Variants in PDZD4 observed in about 807,000 individuals in gnomAD.
The protein encoded by PDZD4 is PDZ domain-containing protein 4.
In PDZD4, 9 loss-of-function variants were observed where a neutral mutation model predicts 38.5. The observed-to-expected ratio is 0.23, with a 90% CI of 0.14 to 0.41. The LOEUF (loss-of-function observed/expected upper bound fraction) is 0.41. PDZD4 is among the 10% of genes least tolerant of loss of function. The pLI, the probability that PDZD4 is intolerant of heterozygous loss-of-function variation, is 1.00. For synonymous variants in PDZD4, 349 were observed against 315.7 expected, an observed-to-expected ratio of 1.11 and a Z score of -1.12; for missense variants, 612 against 722.0, an observed-to-expected ratio of 0.85 and a Z score of 1.75.
In PDZD4 at chrX:153,803,035, C is replaced by A. The variant is rs191831224; in HGVS notation, c.*318G>T. ...AGCACTGGGTGTGTGTGTGCGTGCA[C>A]GTGCAAGCACACGCAAGAGCATGGG... is the stretch of plus-strand genomic sequence containing the variant. On this transcript the variant is annotated 3_prime_UTR_variant, in exon 8 of 8. Transcript: ENST00000393758. The A allele has an allele frequency of 9.3e-4, 184 of 197,233 alleles. 2 individuals are homozygous for A. Among genetic ancestry groups the A allele is most frequent in the South Asian group, 3.2e-3 (11 of 3,487 alleles). The allele number at this position is 197,233 out of a possible 1,213,427, so 16.3% of individuals were successfully genotyped here. A position where few individuals can be genotyped will look rare whatever the true frequency, so the allele number is the denominator to read the frequency against.
intron 1 of PDZD4, among the ~76,000 whole-genome samples, chrX:153,826,384 TCG>T: frequency 9.0e-6 from 1 of 110,783 alleles, no homozygotes; most frequent in Non-Finnish European, 1.9e-5. Flanking sequence ...TTTAGTAAGG[TCG>T]CAAGATATAG....
chrX:153,817,464 C>T (rs1307095231), intron 1 of PDZD4, among the ~76,000 whole-genome samples: 1 of 111,428 alleles, frequency 9.0e-6, no homozygotes, highest in African/African-American at 3.3e-5. Flanking sequence ...CCGGCACACA[C>T]GACTGCATGA....
rs781798510 is a variant in PDZD4, at chrX:153,804,126, T to C, written c.1555A>G (p.Thr519Ala). Residue 519 changes from threonine to alanine, a missense_variant, in exon 8 of 8, where the codon ACC becomes GCC. Thr to Ala is a moderately conservative substitution (Grantham distance 58, BLOSUM62 0). This residue lies in a region of PDZD4 where 300 missense variants were observed against 284.6 expected (regional missense o/e 1.05). Transcript: ENST00000393758. ...NRTPPGPAVA[T>A]PAKAAPPPGS... is the part of the protein sequence containing the mutation. ...GGTGGAGGAGCTGCCTTGGCGGGGG[T>C]GGCAACAGCGGGGCCGGGAGGGGTC... The C allele has an allele frequency of 1.1e-5, 13 of 1,146,463 alleles. No individual in the cohort carries two copies. The highest frequency in any genetic ancestry group is 1.5e-5 in the Non-Finnish European group (13 of 866,303). The allele number at this position is 1,146,463 out of a possible 1,213,427, so 94.5% of individuals were successfully genotyped here.
At chrX:153,815,132 T>TAC (rs1459800419) in intron 1 of PDZD4, among the ~76,000 whole-genome samples, 1 of 112,968 alleles carries the variant, frequency 8.9e-6, no homozygotes, top group East Asian at 2.8e-4. Context: ...CACACAGATC[T>TAC]ACTTCCTTCC....
intron 1 of PDZD4, among the ~76,000 whole-genome samples, chrX:153,822,530 C>T (rs1360746209): frequency 2.7e-5 from 3 of 112,078 alleles, no homozygotes; most frequent in Non-Finnish European, 5.6e-5. Flanking sequence ...CTTGTCCAGC[C>T]CCAGGCTGCT....
At position 153,804,447 on chromosome X, in the gene PDZD4, G is replaced by C. The variant is rs143765069; in HGVS notation, c.1234C>G (p.Leu412Val). ...GHEMAMLEEE[L>V]RHLEFKCRNI... ...CGGCACTTGAATTCCAGGTGCCTTA[G>C]CTCCTCCTCCAGCATGGCCATCTCG... Residue 412 changes from leucine to valine, a missense_variant, in exon 8 of 8, where the codon CTA becomes GTA. By Grantham distance (32) the Leu-to-Val change is conservative (BLOSUM62 1). Transcript: ENST00000393758. 2.5e-6 allele frequency: 3 copies of C among 1,208,856 alleles called. No homozygotes were observed. The African/African-American group carries it at 5.2e-5, about 21-fold the overall frequency.
intron 5 of PDZD4, 122 bp downstream of exon 5, chrX:153,805,949 A>G: frequency 2.6e-6 from 2 of 756,077 alleles, no homozygotes; most frequent in Middle Eastern, 3.5e-4. Context: ...AGGACACGGC[A>G]GGCTGCTGGG....
At chrX:153,820,610 C>T (rs2064413496) in intron 1 of PDZD4, among the ~76,000 whole-genome samples, 1 of 111,493 alleles carries the variant, frequency 9.0e-6, no homozygotes, top group South Asian at 3.7e-4. Flanking sequence ...ATTATGTCTC[C>T]TCTCTAATCT....
chrX:153,816,221 T>A (rs1278262321), intron 1 of PDZD4, among the ~76,000 whole-genome samples: 1 of 104,820 alleles, frequency 9.5e-6, no homozygotes, highest in Non-Finnish European at 2.0e-5. Flanking sequence ...GTGGTGGGCC[T>A]GGATGCTAGG....
At position 153,807,369 on chromosome X, in the gene PDZD4, G is replaced by A. The variant is rs782633280; in HGVS notation, c.315C>T (p.Leu105=). Residue 105 remains leucine (L), a splice_region_variant and synonymous_variant, in exon 3 of 8, where the codon CTC becomes CTT. Transcript: ENST00000393758. ...CATAATACTCATGGCTGATTGGGGG[G>A]CTGCCCAGGAGAAGGTGGGGGTCAG... The part of the protein sequence containing the change: ...VILEPYVLSE[L]PPISHEYYDP... The A allele has an allele frequency of 2.5e-6, 3 of 1,202,274 alleles. No individual in the cohort carries two copies. The East Asian group carries it at 9.0e-5, about 36-fold the overall frequency.
chrX:153,818,751 T>G (rs1199333348), intron 1 of PDZD4, among the ~76,000 whole-genome samples: 1 of 111,622 alleles, frequency 9.0e-6, no homozygotes, highest in African/African-American at 3.3e-5. Context: ...CGGAGCTTTT[T>G]GCAGAGAAGG....
intron 1 of PDZD4, among the ~76,000 whole-genome samples, chrX:153,810,719 C>T (rs1374455662): frequency 8.9e-6 from 1 of 112,579 alleles, no homozygotes; most frequent in African/African-American, 3.2e-5. Context: ...GCCCGCGATA[C>T]AGTAGAACCA....
chrX:153,804,325 G>C lies in PDZD4; in HGVS notation c.1356C>G (p.Ser452Arg). ...EEESLYDLAA[S>R]EPKKHELSDI... ...CGGACAGCTCGTGCTTCTTGGGCTC[G>C]CTGGCCGCCAGGTCGTAGAGGCTCT... The change falls in exon 8 of 8, where the codon AGC (serine) becomes AGG (arginine). Residue 452 changes from serine to arginine, a missense_variant. Physicochemically the swap from Ser to Arg is moderately radical, Grantham distance 110 (BLOSUM62 -1). Transcript: ENST00000393758. The C allele has an allele frequency of 8.3e-7, 1 of 1,206,964 alleles. No individual in the cohort carries two copies. The highest frequency in any genetic ancestry group is 3.0e-5 in the East Asian group (1 of 33,799).
chrX:153,808,569 C>T lies in PDZD4; in HGVS notation c.87G>A (p.Leu29=). The change falls in exon 2 of 8, where the codon CTG becomes CTA. Residue 29 remains leucine (L), a synonymous_variant. Transcript: ENST00000393758. ...GGGCCTGCAGAGTTTGCTCCTGAGA[C>T]AGCTTGGAGAGCTCCTTCCCGTTCA... ...LQVNGKELSK[L]SQEQTLQALR... 2 of 1,182,914 alleles carry T rather than the reference C, an allele frequency of 1.7e-6. No individual in the cohort carries two copies. The highest frequency in any genetic ancestry group is 2.3e-6 in the Non-Finnish European group (2 of 881,191).
chrX:153,813,359 C>T (rs1557079149), intron 1 of PDZD4, among the ~76,000 whole-genome samples: 1 of 111,417 alleles, frequency 9.0e-6, no homozygotes. Context: ...AACAGGTGCT[C>T]AGGGCAAAGG....
intron 4 of PDZD4, 93 bp downstream of exon 4, chrX:153,806,647 CCT>C: frequency 2.5e-6 from 2 of 795,683 alleles, no homozygotes; most frequent in East Asian, 3.3e-5. Context: ...GCTGTGATGC[CCT>C]GTTTCTGGTA....
In PDZD4 at chrX:153,806,731, C is replaced by A; in HGVS notation, c.504+11G>T. On this transcript the variant is annotated intron_variant, in intron 4 of 7. Transcript: ENST00000393758. The stretch of plus-strand genomic sequence containing the variant: ...ATGGGCCTCGGGGCTGGGGCATACC[C>A]GTCTGCATACCTCTCCGACATAAAT... 1.7e-6 allele frequency: 2 copies of A among 1,207,111 alleles called. No homozygotes were observed. Among genetic ancestry groups the A allele is most frequent in the Non-Finnish European group, 2.2e-6 (2 of 891,622 alleles).
In PDZD4 at chrX:153,804,679, A is replaced by G. The variant is rs782154888; in HGVS notation, c.1002T>C (p.His334=). The G allele has an allele frequency of 3.3e-6, 4 of 1,210,643 alleles. No individual in the cohort carries two copies. In the Admixed American group the frequency reaches 8.7e-5, roughly 26 times the overall value. ...QGDALQSRDF[H]FSMDSLLAEG... is the part of the protein sequence containing the mutation. ...CGGCCAGCAGAGAGTCCATGCTGAA[A>G]TGGAAGTCCCGGCTCTGCAGGGCGT... The change falls in exon 8 of 8, where the codon CAT becomes CAC. Residue 334 remains histidine (H), a synonymous_variant. Coordinates refer to ENST00000393758, the MANE Select transcript of PDZD4 (RefSeq NM_001303512.2).
chrX:153,810,998 G>A (rs988669207), intron 1 of PDZD4, among the ~76,000 whole-genome samples: 12 of 112,222 alleles, frequency 1.1e-4, no homozygotes, highest in African/African-American at 3.6e-4. Flanking sequence ...TGTTGAGATG[G>A]AGTCTTGCTC....
Sources: gnomAD v4.1 joint callset for allele counts (sites outside exome capture counted in the v4.1 genomes callset) on GRCh38, gnomAD v4.1.1 for gene constraint, gnomAD v4.1.1 regional missense constraint, MANE v1.5 for transcripts, NCBI Gene and HGNC (gene_info 2026-07-23, HGNC 2026-07-21) for gene names.